Variants in CADPS2 observed in about 807,000 individuals in gnomAD.
The protein encoded by CADPS2 is calcium-dependent secretion activator 2.
Under a neutral mutation model 172.5 loss-of-function variants are expected in CADPS2, and 93 were observed. The ratio of observed to expected loss-of-function variants is 0.54; its 90% CI spans 0.46 to 0.64. The LOEUF (loss-of-function observed/expected upper bound fraction) is 0.64. Among genes scored for constraint, CADPS2 ranks in the 30% least tolerant of loss-of-function variants. The pLI is 0.00. For synonymous variants in CADPS2, 546 were observed against 555.2 expected (o/e 0.98, Z 0.23); for missense variants, 1,420 against 1,565.9 (o/e 0.91, Z 1.57).
intron 29 of CADPS2, among the ~76,000 whole-genome samples, chr7:122,325,042 T>C (rs2033529770): frequency 6.6e-6 from 1 of 152,106 alleles, no homozygotes; most frequent in African/African-American, 2.4e-5. Context: ...TGACAATGTA[T>C]TACTTTCGTA....
intron 6 of CADPS2, among the ~76,000 whole-genome samples, chr7:122,605,148 T>C (rs757688504): frequency 4.6e-5 from 7 of 151,992 alleles, no homozygotes; most frequent in South Asian, 2.1e-4. Flanking sequence ...ATGGTAAACA[T>C]GTATAGGGCA....
At chr7:122,374,189 C>A (rs959210580) in intron 25 of CADPS2, among the ~76,000 whole-genome samples, 1 of 151,802 alleles carries the variant, frequency 6.6e-6, no homozygotes, top group African/African-American at 2.4e-5. Flanking sequence ...AAACACTTGA[C>A]AAAACTAAGT....
chr7:122,443,710 CAAAAAAAAA>C (rs56137420), intron 15 of CADPS2, among the ~76,000 whole-genome samples: 6 of 57,860 alleles, frequency 1.0e-4, no homozygotes, highest in East Asian at 5.9e-4. Flanking sequence ...CTGCTTTCTA[CAAAAAAAAA>C]AAAAAAAAAA....
chr7:122,639,991 C>T (rs2077441010), intron 3 of CADPS2, among the ~76,000 whole-genome samples: 1 of 152,130 alleles, frequency 6.6e-6, no homozygotes, highest in East Asian at 1.9e-4. Flanking sequence ...CGAGTTTCAG[C>T]TTATGTGAAG....
At chr7:122,369,366 C>T (rs967768052) in intron 25 of CADPS2, among the ~76,000 whole-genome samples, 2 of 151,966 alleles carry the variant, frequency 1.3e-5, no homozygotes, top group Non-Finnish European at 1.5e-5. Context: ...CTCCTGACCT[C>T]GTGATCCGCC....
intron 8 of CADPS2, among the ~76,000 whole-genome samples, chr7:122,531,876 C>G (rs1204024476): frequency 6.6e-6 from 1 of 151,774 alleles, no homozygotes; most frequent in East Asian, 1.9e-4. Context: ...ACTAAAAATA[C>G]AAAAATTAGC....
At chr7:122,496,491 G>T (rs1037833114) in intron 9 of CADPS2, among the ~76,000 whole-genome samples, 11 of 152,048 alleles carry the variant, frequency 7.2e-5, no homozygotes, top group Non-Finnish European at 1.5e-4. Flanking sequence ...CATATAATTA[G>T]CTTATTCATT....
intron 2 of CADPS2, among the ~76,000 whole-genome samples, chr7:122,736,259 T>C (rs1411579742): frequency 6.6e-6 from 1 of 152,180 alleles, no homozygotes; most frequent in African/African-American, 2.4e-5. Context: ...TGTTTATTAG[T>C]CTAATATATA....
intron 2 of CADPS2, among the ~76,000 whole-genome samples, chr7:122,720,851 G>A (rs897663933): frequency 1.8e-4 from 27 of 152,018 alleles, no homozygotes; most frequent in Admixed American, 8.5e-4. Flanking sequence ...TAAATTTACC[G>A]ACATAAAGCT....
chr7:122,841,316 T>C (rs1563152399), intron 1 of CADPS2, among the ~76,000 whole-genome samples: 1 of 152,184 alleles, frequency 6.6e-6, no homozygotes, highest in Non-Finnish European at 1.5e-5. Flanking sequence ...CCTAGTGTAT[T>C]ATCACGAATT....
intron 6 of CADPS2, among the ~76,000 whole-genome samples, chr7:122,605,031 T>C (rs1587767866): frequency 6.6e-6 from 1 of 152,170 alleles, no homozygotes; most frequent in African/African-American, 2.4e-5. Flanking sequence ...ATAGCATGTA[T>C]TGTCCTAAAT....
intron 14 of CADPS2, among the ~76,000 whole-genome samples, chr7:122,465,651 C>G (rs1446578357): frequency 1.3e-5 from 2 of 152,162 alleles, no homozygotes; most frequent in African/African-American, 4.8e-5. Context: ...CCCATCCTAC[C>G]GTTCCACCCC....
intron 8 of CADPS2, among the ~76,000 whole-genome samples, chr7:122,537,795 T>G (rs534215907): frequency 6.6e-6 from 1 of 151,870 alleles, no homozygotes; most frequent in Admixed American, 6.6e-5. Context: ...AAGATTAGTA[T>G]TGCAGACAAA....
At chr7:122,565,042 A>G (rs2066269105) in intron 7 of CADPS2, among the ~76,000 whole-genome samples, 1 of 152,036 alleles carries the variant, frequency 6.6e-6, no homozygotes, top group South Asian at 2.1e-4. Flanking sequence ...ATATATGGAG[A>G]GGAAGGGAAT....
intron 1 of CADPS2, among the ~76,000 whole-genome samples, chr7:122,770,344 G>A (rs771366386): frequency 1.4e-4 from 22 of 152,198 alleles, no homozygotes; most frequent in Admixed American, 5.2e-4. Flanking sequence ...AAATATGAGG[G>A]ACTAAGAGAT....
At chr7:122,874,641 G>A (rs1215901762) in intron 1 of CADPS2, among the ~76,000 whole-genome samples, 1 of 152,114 alleles carries the variant, frequency 6.6e-6, no homozygotes, top group Non-Finnish European at 1.5e-5. Flanking sequence ...ATACTTTGAG[G>A]CTACAGCAAC....
intron 1 of CADPS2, among the ~76,000 whole-genome samples, chr7:122,843,046 C>T (rs1811005403): frequency 6.6e-6 from 1 of 152,126 alleles, no homozygotes; most frequent in African/African-American, 2.4e-5. Flanking sequence ...GGAAAAAATG[C>T]TTTAATCTCA....
At chr7:122,815,844 A>C (rs528402514) in intron 1 of CADPS2, among the ~76,000 whole-genome samples, 116 of 152,284 alleles carry the variant, frequency 7.6e-4, no homozygotes, top group African/African-American at 2.7e-3. Flanking sequence ...AAAGACAAGG[A>C]AGTTCTGCTT....
At chr7:122,678,516 T>C (rs975779104) in intron 2 of CADPS2, among the ~76,000 whole-genome samples, 2 of 152,100 alleles carry the variant, frequency 1.3e-5, no homozygotes, top group Non-Finnish European at 2.9e-5. Context: ...GGGCAAGGGT[T>C]TAGGAAATGG....
Sources: gnomAD v4.1 joint callset for allele counts (sites outside exome capture counted in the v4.1 genomes callset) on GRCh38, gnomAD v4.1.1 for gene constraint, MANE v1.5 for transcripts, NCBI Gene and HGNC (gene_info 2026-07-23, HGNC 2026-07-21) for gene names.